Variants in TMPRSS3 observed in about 807,000 individuals in gnomAD.
TMPRSS3 encodes the protein transmembrane serine protease 3, also known as transmembrane protease serine 3.
Under a neutral mutation model 59.6 loss-of-function variants are expected in TMPRSS3, and 55 were observed. The ratio of observed to expected loss-of-function variants is 0.92; its 90% CI spans 0.74 to 1.16. The LOEUF (loss-of-function observed/expected upper bound fraction) is 1.16. Among genes scored for constraint, TMPRSS3 ranks in the 50% most tolerant of loss-of-function variants. The probability of loss-of-function intolerance (pLI) is 0.00; values close to 1 mark genes in which losing one functional copy is unlikely to be tolerated. For missense variants in TMPRSS3, 596 were observed against 579.4 expected, an observed-to-expected ratio of 1.03 and a Z score of -0.29; for synonymous variants, 257 against 237.7, an observed-to-expected ratio of 1.08 and a Z score of -0.75.
rs55652649 is a variant in TMPRSS3 at position 42,376,745 on chromosome 21, C to T, written c.1049-62G>A. On this transcript the variant is annotated intron_variant, in intron 10 of 12. Transcript: ENST00000644384. ...GAAGCCCGGCCCAAAACACAGAAGG[C>T]GCATGCTGAGACCAGGGGGGTGAGG... 70,078 of 1,611,550 alleles carry T rather than the reference C, an allele frequency of 0.043. 1,829 individuals carry two copies. Among genetic ancestry groups the T allele is most frequent in the Non-Finnish European group, 0.05 (59,497 of 1,179,378 alleles).
chr21:42,390,597 A>G (rs947068253), intron 2 of TMPRSS3, among the ~76,000 whole-genome samples: 1 of 152,146 alleles, frequency 6.6e-6, no homozygotes, highest in Non-Finnish European at 1.5e-5. Flanking sequence ...GCATGATGGC[A>G]GGCACCTGTA....
Position 42,395,954 on chromosome 21 carries a change from T to C in TMPRSS3, c.-64A>G, listed in dbSNP as rs914297697. 6 of 518,652 alleles carry C rather than the reference T, an allele frequency of 1.2e-5. No individual in the cohort carries two copies. 32.1% of individuals were successfully genotyped at this position (518,652 alleles called of 1,614,324 possible). ...TTTCGGTACTCACATAATTCCCGAGTCCCAAAAATGTAGATGGCACCACGG... is the reference window on the plus strand; with the variant it reads ...TTTCGGTACTCACATAATTCCCGAGCCCCAAAAATGTAGATGGCACCACGG... On this transcript the variant is annotated 5_prime_UTR_variant, in exon 1 of 13. Coordinates refer to ENST00000644384, the MANE Select transcript of TMPRSS3 (RefSeq NM_001256317.3).
At chr21:42,380,050 GA>G in intron 10 of TMPRSS3, 66 bp downstream of exon 10, 2 of 1,344,712 alleles carry the variant, frequency 1.5e-6, no homozygotes, top group Non-Finnish European at 2.1e-6. Context: ...GACATTGGGG[GA>G]GCCCCCTCCG....
At position 42,395,999 on chromosome 21, in the gene TMPRSS3, T is replaced by C. The variant is rs759886263; in HGVS notation, c.-109A>G. The C allele has an allele frequency of 9.6e-6, 5 of 518,980 alleles. No homozygotes were observed. The highest frequency in any genetic ancestry group is 7.0e-5 in the South Asian group (5 of 71,578). The allele number at this position is 518,980 out of a possible 1,614,324, so 32.1% of individuals were successfully genotyped here. A position where few individuals can be genotyped will look rare whatever the true frequency, so the allele number is the denominator to read the frequency against. Reference sequence around the variant, plus strand: ...CCACGGAAGAGATAGTAGGCCACAGTGTTACTGGCTTCCCATAAACACAGC... The same window carrying C: ...CCACGGAAGAGATAGTAGGCCACAGCGTTACTGGCTTCCCATAAACACAGC... On this transcript the variant is annotated 5_prime_UTR_variant, in exon 1 of 13. Transcript: ENST00000644384.
intron 8 of TMPRSS3, 46 bp from the exon 9 acceptor site, chr21:42,382,280 A>T: frequency 6.4e-7 from 1 of 1,562,282 alleles, no homozygotes. Context: ...AAGTCCAACC[A>T]CTGAACTCAT....
intron 7 of TMPRSS3, 86 bp downstream of exon 7, chr21:42,383,884 A>AT: frequency 7.0e-7 from 1 of 1,418,660 alleles, no homozygotes; most frequent in Non-Finnish European, 9.9e-7. Context: ...ACAGAGCCCC[A>AT]TGGGGGGAGA....
chr21:42,374,827 T>C (rs563811589), intron 12 of TMPRSS3, among the ~76,000 whole-genome samples: 26 of 150,376 alleles, frequency 1.7e-4, no homozygotes, highest in Middle Eastern at 3.4e-3. Flanking sequence ...AAATGATATA[T>C]AATGAAACCA....
rs564719157 is a variant in TMPRSS3, at chr21:42,378,564, G to C, written c.1048+1553C>G. Among the ~76,000 whole-genome samples, 321 of 152,288 alleles carry C rather than the reference G, an allele frequency of 2.1e-3. 1 individual carries two copies. Among genetic ancestry groups the C allele is most frequent in the Middle Eastern group, 3.4e-3 (1 of 294 alleles). On this transcript the variant is annotated intron_variant, in intron 10 of 12. Transcript: ENST00000644384. ...GGGGGCAAAGCCACGGGAGGAAGGA[G>C]GCTGAGGCTGGAGATCCAGCTACAA...
At position 42,385,047 on chromosome 21, in the gene TMPRSS3, C is replaced by CCCTT. The variant is rs71190416; in HGVS notation, c.572+358_572+361dup. Reference sequence around the variant, plus strand: ...ACCCTCCCTCTCTTCCTCCCTCCCTCCCTTCCTTCCTCCCTCCCTCCCTCC... The same window carrying CCCTT: ...ACCCTCCCTCTCTTCCTCCCTCCCTCCCTTCCTTCCTTCCTCCCTCCCTCCCTCC... On this transcript the variant is annotated intron_variant, in intron 6 of 12. Coordinates refer to ENST00000644384, the MANE Select transcript of TMPRSS3 (RefSeq NM_001256317.3). Among the ~76,000 whole-genome samples the CCCTT allele has an allele frequency of 1.2e-3, 107 of 92,114 alleles. 4 individuals carry two copies. Among genetic ancestry groups the CCCTT allele is most frequent in the Middle Eastern group, 0.011 (2 of 176 alleles). The allele number at this position is 92,114 out of a possible 152,430, so 60.4% of individuals were successfully genotyped here. A position where few individuals can be genotyped will look rare whatever the true frequency, so the allele number is the denominator to read the frequency against.
At chr21:42,383,720 C>T (rs1290465542) in intron 7 of TMPRSS3, 2 of 692,128 alleles carry the variant, frequency 2.9e-6, no homozygotes, top group Non-Finnish European at 5.4e-6. Context: ...AGTGATGGGA[C>T]ATCATGGGCC....
intron 10 of TMPRSS3, among the ~76,000 whole-genome samples, chr21:42,377,371 G>A (rs1391078354): frequency 6.6e-6 from 1 of 152,212 alleles, no homozygotes; most frequent in African/African-American, 2.4e-5. Flanking sequence ...AGACCAAGGA[G>A]GGGCACGAGC....
chr21:42,389,968 C>T lies in TMPRSS3; in HGVS notation c.164G>A (p.Gly55Glu). 1 of 1,614,034 alleles carries T rather than the reference C, an allele frequency of 6.2e-7. No individual in the cohort carries two copies. Among genetic ancestry groups the T allele is most frequent in the Non-Finnish European group, 8.5e-7 (1 of 1,179,928 alleles). ...PLKFFPIIVI[G>E]IIALILALAI... ...CAGTGCTAATATCAATGCAATGATC[C>T]CAATGACGATGATTGGAAAAAACTT... is the stretch of plus-strand genomic sequence containing the variant. The change falls in exon 3 of 13, where the codon GGG (glycine) becomes GAG (glutamate). Residue 55 changes from glycine to glutamate, a missense_variant. Transcript: ENST00000644384.
At chr21:42,383,630 C>A in intron 7 of TMPRSS3, 1 of 545,246 alleles carries the variant, frequency 1.8e-6, no homozygotes, top group Non-Finnish European at 3.4e-6. Flanking sequence ...GAACGAGGGG[C>A]ACTGCCCGAG....
chr21:42,380,092 C>T (rs374083838), intron 10 of TMPRSS3, 25 bp downstream of exon 10: 67 of 1,601,350 alleles, frequency 4.2e-5, no homozygotes, highest in Middle Eastern at 1.7e-4. Flanking sequence ...CCCTGGACTC[C>T]GAATCTTGGC....
In TMPRSS3 at chr21:42,388,590, G is replaced by C. The variant is rs2052676209; in HGVS notation, c.323-64C>G. On this transcript the variant is annotated intron_variant, in intron 4 of 12. Coordinates refer to ENST00000644384, the MANE Select transcript of TMPRSS3 (RefSeq NM_001256317.3). This position sits in a 1 kb window ranked among gnomAD's most constrained non-coding sequence, Gnocchi z 5.1. The stretch of plus-strand genomic sequence containing the variant: ...GTGGAACCCTGAGACCATAGGCAGG[G>C]GTTTCTCCACAGCCAGCTCAAACCC... The C allele has an allele frequency of 6.2e-7, 1 of 1,612,238 alleles. No individual in the cohort carries two copies. Among genetic ancestry groups the C allele is most frequent in the African/African-American group, 1.3e-5 (1 of 74,830 alleles).
At chr21:42,385,084 C>G (rs1417964541) in intron 6 of TMPRSS3, among the ~76,000 whole-genome samples, 3 of 117,370 alleles carry the variant, frequency 2.6e-5, no homozygotes, top group Non-Finnish European at 5.4e-5. Context: ...TTCCTCTTTT[C>G]CTCCCCACCC....
chr21:42,395,390 C>T lies in TMPRSS3; in HGVS notation c.28G>A (p.Glu10Lys), dbSNP rs781420452. 1 of 1,614,204 alleles carries T rather than the reference C, an allele frequency of 6.2e-7. No individual in the cohort carries two copies. Among genetic ancestry groups the T allele is most frequent in the Non-Finnish European group, 8.5e-7 (1 of 1,180,038 alleles). The change falls in exon 2 of 13, where the codon GAA (glutamate) becomes AAA (lysine). Residue 10 changes from glutamate to lysine, a missense_variant. By Grantham distance (56) the Glu-to-Lys change is moderately conservative. Transcript: ENST00000644384. MGENDPPAV[E>K]APFSFRSLFG... ...AGCGATCGGAATGAGAAGGGGGCTT[C>T]AACAGCAGGCGGATCATTTTCCCCC... is the stretch of plus-strand genomic sequence containing the variant.
At chr21:42,382,655 C>T (rs566189002) in intron 8 of TMPRSS3, 225 of 401,886 alleles carry the variant, frequency 5.6e-4, no homozygotes, top group African/African-American at 4.1e-3. Flanking sequence ...GTACCTGGCC[C>T]CCAACATATT....
At chr21:42,381,952 T>C in intron 9 of TMPRSS3, 113 bp downstream of exon 9, 1 of 1,356,874 alleles carries the variant, frequency 7.4e-7, no homozygotes, top group Non-Finnish European at 1.1e-6. Context: ...TTGGAATTAT[T>C]AATATCTGAC....
Sources: allele counts gnomAD v4.1 joint callset (sites outside exome capture counted in the v4.1 genomes callset), GRCh38; gene constraint gnomAD v4.1.1; non-coding constraint Gnocchi (gnomAD v3.1); transcripts MANE v1.5; gene names NCBI Gene and HGNC (gene_info 2026-07-23, HGNC 2026-07-21).